The following CEACAM20 variants were observed in gnomAD, a reference collection of about 807,000 sequenced individuals.
CEACAM20 encodes the protein cell adhesion molecule CEACAM20.
Under a neutral mutation model 61.2 loss-of-function variants are expected in CEACAM20, and 50 were observed. That is an observed-to-expected ratio of 0.82 (90% CI 0.65 to 1.03). CEACAM20 has a LOEUF of 1.03. Ranked by LOEUF, CEACAM20 falls within the 50% of genes least tolerant of loss-of-function variation. The probability of loss-of-function intolerance (pLI) is 0.00; values close to 1 mark genes in which losing one functional copy is unlikely to be tolerated. For synonymous variants in CEACAM20, 282 were observed against 287.7 expected, an observed-to-expected ratio of 0.98 and a Z score of 0.20; for missense variants, 683 against 736.4, an observed-to-expected ratio of 0.93 and a Z score of 0.84.
At chr19:44,526,036 CTG>C (rs1454572482) in intron 1 of CEACAM20, among the ~76,000 whole-genome samples, 7 of 152,240 alleles carry the variant, frequency 4.6e-5, no homozygotes, top group Non-Finnish European at 8.8e-5. Flanking sequence ...GCCCTGAAGA[CTG>C]TGCTCTCAAC....
intron 1 of CEACAM20, among the ~76,000 whole-genome samples, chr19:44,525,652 AGGCT>A (rs770426379): frequency 2.0e-5 from 3 of 152,252 alleles, no homozygotes; most frequent in Non-Finnish European, 4.4e-5. Flanking sequence ...CATGTTGGCC[AGGCT>A]GGTCTCAAAC....
chr19:44,528,714 T>C (rs529858102), intron 1 of CEACAM20, among the ~76,000 whole-genome samples: 1 of 151,998 alleles, frequency 6.6e-6, no homozygotes, highest in East Asian at 1.9e-4. Context: ...CTTTCTCTCT[T>C]GTCTCTGGTC....
chr19:44,524,402 T>G (rs1292937487), intron 2 of CEACAM20, 141 bp from the exon 3 acceptor site: 1 of 876,652 alleles, frequency 1.1e-6, no homozygotes, highest in Non-Finnish European at 1.7e-6. Flanking sequence ...TGGGCTTGAA[T>G]GCTGGATCTA....
intron 6 of CEACAM20, among the ~76,000 whole-genome samples, chr19:44,514,091 T>C (rs1049645050): frequency 3.3e-5 from 5 of 152,146 alleles, no homozygotes; most frequent in African/African-American, 7.2e-5. Context: ...AACCCGGCTT[T>C]CACTTAGAGC....
intron 6 of CEACAM20, among the ~76,000 whole-genome samples, chr19:44,514,785 C>G (rs1028191648): frequency 3.3e-5 from 5 of 151,826 alleles, no homozygotes; most frequent in South Asian, 4.2e-4. Flanking sequence ...ATATGCCAAG[C>G]AAGGATAAGA....
chr19:44,508,669 C>A (rs551491404), intron 11 of CEACAM20, among the ~76,000 whole-genome samples: 5 of 152,130 alleles, frequency 3.3e-5, no homozygotes, highest in Non-Finnish European at 5.9e-5. Context: ...GGATTACAGG[C>A]GTGAGCCACC....
At position 44,517,200 on chromosome 19, in the gene CEACAM20, GT is replaced by G; in HGVS notation, c.1054del (p.Thr352ProfsTer8). On this transcript the variant is annotated frameshift_variant, in exon 6 of 12. Transcript: ENST00000614924. LOFTEE classifies it high-confidence loss of function. ...GATCATCTCAGATGCCGACTCCCTG[GT>G]GATGTGCACTTGGTCAGGACCATCT... The part of the protein sequence containing the change: ...INYGPDQVHI[T>X]RESASEMIST... The G allele has an allele frequency of 6.2e-7, 1 of 1,608,372 alleles. No homozygotes were observed. Among genetic ancestry groups the G allele is most frequent in the Non-Finnish European group, 8.5e-7 (1 of 1,179,848 alleles).
chr19:44,524,725 G>A (rs961493025), intron 2 of CEACAM20, among the ~76,000 whole-genome samples: 7 of 152,144 alleles, frequency 4.6e-5, no homozygotes, highest in South Asian at 4.2e-4. Context: ...GACTACAGGC[G>A]TGCACCACCA....
At chr19:44,519,631 AT>A (rs1237538917) in intron 5 of CEACAM20, among the ~76,000 whole-genome samples, 3 of 152,058 alleles carry the variant, frequency 2.0e-5, no homozygotes, top group Non-Finnish European at 4.4e-5. Context: ...CTTTCACCTA[AT>A]ATCAGTCAGC....
intron 1 of CEACAM20, among the ~76,000 whole-genome samples, chr19:44,526,051 T>C (rs2123636899): frequency 6.6e-6 from 1 of 152,366 alleles, no homozygotes; most frequent in African/African-American, 2.4e-5. Context: ...CTCTCAACAC[T>C]GTAATTCCTC....
chr19:44,529,493 G>A lies in CEACAM20; in HGVS notation c.17C>T (p.Ser6Leu), dbSNP rs765510636. Reference protein sequence around the residue: MGPADSWGHHWMGILL... With the variant: MGPADLWGHHWMGILL... ...GATTCCCATCCAGTGGTGTCCCCAT[G>A]AGTCAGCAGGCCCCATGGGTCCCGG... Residue 6 changes from serine (S) to leucine (L), a missense_variant, in exon 1 of 12, where the codon TCA becomes TTA. Transcript: ENST00000614924. 3 of 1,613,780 alleles carry A rather than the reference G, an allele frequency of 1.9e-6. No homozygotes were observed. The highest frequency in any genetic ancestry group is 1.1e-5 in the South Asian group (1 of 91,058).
At position 44,513,203 on chromosome 19, in the gene CEACAM20, C is replaced by T. The variant is rs760367993; in HGVS notation, c.1396G>A (p.Gly466Ser). 1.2e-5 allele frequency: 19 copies of T among 1,613,562 alleles called. No individual in the cohort carries two copies. Among genetic ancestry groups the T allele is most frequent in the Non-Finnish European group, 1.5e-5 (18 of 1,179,768 alleles). Reference protein sequence around the residue: ...LAVIAVASELGYFLCIRNARR... With the variant: ...LAVIAVASELSYFLCIRNARR... ...GCATTTCTGATGCAGAGAAAATAGC[C>T]CAGTTCTGAGGCCACAGCAATGACA... The change falls in exon 7 of 12, where the codon GGC becomes AGC. Residue 466 changes from glycine (G) to serine (S), a missense_variant. By Grantham distance (56) the Gly-to-Ser change is moderately conservative. Coordinates refer to ENST00000614924, the MANE Select transcript of CEACAM20 (RefSeq NM_001102597.3).
intron 6 of CEACAM20, among the ~76,000 whole-genome samples, 154 bp from the exon 7 acceptor site, chr19:44,513,443 C>CT (rs398034749): frequency 0.36 from 41,581 of 116,912 alleles, 8,684 homozygotes; most frequent in African/African-American, 0.51. Flanking sequence ...TTTGGTTTTG[C>CT]TTTTTTTTTT....
rs370728134 is a variant in CEACAM20, at chr19:44,520,548, G to C, written c.956C>G (p.Thr319Ser). 1 of 1,613,892 alleles carries C rather than the reference G, an allele frequency of 6.2e-7. No individual in the cohort carries two copies. Among genetic ancestry groups the C allele is most frequent in the African/African-American group, 1.3e-5 (1 of 74,914 alleles). ...CCAGACCTCACAGGCATAGGGCCCGGTGTCATTCCGCTGGAGGCCATGGAT... is the reference window on the plus strand; with the variant it reads ...CCAGACCTCACAGGCATAGGGCCCGCTGTCATTCCGCTGGAGGCCATGGAT... ...LIIHGLQRNDTGPYACEVWNW... is the reference protein window; with the variant it reads ...LIIHGLQRNDSGPYACEVWNW... The change falls in exon 5 of 12, where the codon ACC (threonine) becomes AGC (serine). Residue 319 changes from threonine (T) to serine (S), a missense_variant. By Grantham distance (58) the Thr-to-Ser change is moderately conservative. Coordinates refer to ENST00000614924, the MANE Select transcript of CEACAM20 (RefSeq NM_001102597.3).
intron 4 of CEACAM20, among the ~76,000 whole-genome samples, chr19:44,521,819 G>A (rs1400909623): frequency 1.3e-5 from 2 of 152,078 alleles, no homozygotes; most frequent in African/African-American, 4.8e-5. Context: ...TGTGTGTATT[G>A]TACATGCACG....
At chr19:44,513,373 C>A (rs923943454) in intron 6 of CEACAM20, 84 bp from the exon 7 acceptor site, 4 of 851,032 alleles carry the variant, frequency 4.7e-6, no homozygotes, top group Non-Finnish European at 7.5e-6. Context: ...GCAGCTTTTT[C>A]TCTACTGACA....
Position 44,529,534 on chromosome 19 carries a change from TGCCAGGCCGTCTGTC to T in CEACAM20, c.-40_-26del, listed in dbSNP as rs1226831041. 2 of 1,613,116 alleles carry T rather than the reference TGCCAGGCCGTCTGTC, an allele frequency of 1.2e-6. No homozygotes were observed. Among genetic ancestry groups the T allele is most frequent in the East Asian group, 4.5e-5 (2 of 44,850 alleles). ...TGGGTCCCGGCACCTGACTTCAGTGTGCCAGGCCGTCTGTCGCCCCGGCTTGCACACACAGATACA... is the reference window on the plus strand; with the variant it reads ...TGGGTCCCGGCACCTGACTTCAGTGTGCCCCGGCTTGCACACACAGATACA... On this transcript the variant is annotated 5_prime_UTR_variant, in exon 1 of 12. Transcript: ENST00000614924.
In CEACAM20 at chr19:44,522,165, C is replaced by T. The variant is rs78154135; in HGVS notation, c.751+469G>A. Among the ~76,000 whole-genome samples the T allele has an allele frequency of 5.9e-4, 90 of 151,776 alleles. 1 individual carries two copies. In the East Asian group the frequency reaches 0.016, roughly 27 times the overall value. ...TGTCGCCCAGGCTGGAGTGCAGTGG[C>T]GTGATCTCAGCTCCTGCAAGCTCCG... On this transcript the variant is annotated intron_variant, in intron 4 of 11. Coordinates refer to ENST00000614924, the MANE Select transcript of CEACAM20 (RefSeq NM_001102597.3).
chr19:44,510,341 G>A (rs4802228), intron 11 of CEACAM20, among the ~76,000 whole-genome samples: 41,358 of 151,302 alleles, frequency 0.27, 5,984 homozygotes, highest in South Asian at 0.34. Context: ...GTGAAATCCC[G>A]TCTCTACCAA....
Sources: gnomAD v4.1 joint callset for allele counts (sites outside exome capture counted in the v4.1 genomes callset) on GRCh38, gnomAD v4.1.1 for gene constraint, MANE v1.5 for transcripts, NCBI Gene and HGNC (gene_info 2026-07-23, HGNC 2026-07-21) for gene names.